The following SLC26A8 variants were observed in gnomAD, a reference collection of about 807,000 sequenced individuals.
SLC26A8 encodes the protein testis anion transporter 1.
In SLC26A8, 70 loss-of-function variants were observed where a neutral mutation model predicts 105.0. The observed-to-expected ratio is 0.67, with a 90% CI of 0.55 to 0.81. The LOEUF (loss-of-function observed/expected upper bound fraction) is 0.81, where lower values mean the gene tolerates loss of function less well. SLC26A8 is among the 40% of genes least tolerant of loss of function. The pLI, the probability that SLC26A8 is intolerant of heterozygous loss-of-function variation, is 0.00. For missense variants in SLC26A8, 998 were observed against 1,181.8 expected (o/e 0.84, Z 2.28); for synonymous variants, 415 against 438.3 (o/e 0.95, Z 0.66).
rs1771575347 is a variant in SLC26A8 at position 35,944,045 on chromosome 6, A to T, written c.2768T>A (p.Phe923Tyr). The T allele has an allele frequency of 6.2e-7, 1 of 1,614,080 alleles. No individual in the cohort carries two copies. The highest frequency in any genetic ancestry group is 8.5e-7 in the Non-Finnish European group (1 of 1,179,998). Residue 923 changes from phenylalanine to tyrosine, a missense_variant, in exon 20 of 20, where the codon TTT becomes TAT. Phe to Tyr is a conservative substitution (Grantham distance 22). Transcript: ENST00000490799. ...NPKSRPRAHT[F>Y]PQQRYWPMYH... is the part of the protein sequence containing the mutation. Reference sequence around the variant, plus strand: ...CATAGGCCAGTAACGCTGCTGAGGAAAAGTGTGAGCTCTTGGCCTAGATTT... The same window carrying T: ...CATAGGCCAGTAACGCTGCTGAGGATAAGTGTGAGCTCTTGGCCTAGATTT...
At chr6:35,978,468 A>G (rs1256513644) in intron 8 of SLC26A8, among the ~76,000 whole-genome samples, 1 of 152,154 alleles carries the variant, frequency 6.6e-6, no homozygotes, top group Admixed American at 6.5e-5. Flanking sequence ...TCAGAAAAAA[A>G]AATCTAAGTG....
chr6:35,958,734 G>T (rs549190090), intron 16 of SLC26A8, among the ~76,000 whole-genome samples: 2 of 152,224 alleles, frequency 1.3e-5, no homozygotes, highest in Admixed American at 6.5e-5. Flanking sequence ...TGTGTGTTGC[G>T]GGGGAGGATG....
intron 5 of SLC26A8, among the ~76,000 whole-genome samples, chr6:35,996,905 T>G (rs1354876502): frequency 6.6e-6 from 1 of 151,878 alleles, no homozygotes; most frequent in African/African-American, 2.4e-5. Flanking sequence ...TGTGGTGGCA[T>G]GCACCTGTAA....
At chr6:36,001,464 C>T (rs1581685537) in intron 3 of SLC26A8, among the ~76,000 whole-genome samples, 1 of 152,172 alleles carries the variant, frequency 6.6e-6, no homozygotes, top group Admixed American at 6.5e-5. Context: ...CAATTTCCTC[C>T]CCATTAAGTG....
At chr6:35,970,583 T>C (rs1008266219) in intron 10 of SLC26A8, among the ~76,000 whole-genome samples, 2 of 152,234 alleles carry the variant, frequency 1.3e-5, no homozygotes, top group African/African-American at 4.8e-5. Context: ...CTAGCTTCAG[T>C]TGGCCTTTGC....
At chr6:36,014,644 G>A (rs1179888083) in intron 2 of SLC26A8, among the ~76,000 whole-genome samples, 2 of 152,158 alleles carry the variant, frequency 1.3e-5, no homozygotes, top group African/African-American at 2.4e-5. Flanking sequence ...CACTTTGGGA[G>A]GCCAAGGCGG....
In SLC26A8 at chr6:36,012,268, G is replaced by T. The variant is rs751428541; in HGVS notation, c.293C>A (p.Ala98Asp). The change falls in exon 3 of 20, where the codon GCT becomes GAT. Residue 98 changes from alanine to aspartate, a missense_variant. By Grantham distance (126) the Ala-to-Asp change is moderately radical (BLOSUM62 -2). Coordinates refer to ENST00000490799, the MANE Select transcript of SLC26A8 (RefSeq NM_052961.4). ...LKDWLLGDLL[A>D]GISVGLVQVP... The stretch of plus-strand genomic sequence containing the variant: ...TTGCACAAGGCCAACACTTATACCA[G>T]CAAGTAAGTCTCCCAGAAGCCAATC... The T allele has an allele frequency of 6.2e-7, 1 of 1,612,042 alleles. No homozygotes were observed. Among genetic ancestry groups the T allele is most frequent in the Non-Finnish European group, 8.5e-7 (1 of 1,179,416 alleles).
intron 15 of SLC26A8, 55 bp downstream of exon 15, chr6:35,959,659 G>A: frequency 6.2e-7 from 1 of 1,606,872 alleles, no homozygotes; most frequent in Non-Finnish European, 8.5e-7. Flanking sequence ...GTGGGAGAGA[G>A]ATGCCAGTGG....
In SLC26A8 at chr6:36,019,584, T is replaced by C. The variant is rs759391001; in HGVS notation, c.124A>G (p.Lys42Glu). Residue 42 changes from lysine (K) to glutamate (E), a missense_variant, in exon 2 of 20, where the codon AAG becomes GAG. Lys to Glu is a moderately conservative substitution (Grantham distance 56, BLOSUM62 1). Transcript: ENST00000490799. ...TTCATGTTCCCAGAAGAGGAGGCCTTCCTTTTGTGTTCCTGTTGAAAGGTC... is the reference window on the plus strand; with the variant it reads ...TTCATGTTCCCAGAAGAGGAGGCCTCCCTTTTGTGTTCCTGTTGAAAGGTC... ...EETFQQEHKR[K>E]ASSSGNMNIN... 2.9e-5 allele frequency: 47 copies of C among 1,614,006 alleles called. No individual in the cohort carries two copies. Among genetic ancestry groups the C allele is most frequent in the Non-Finnish European group, 3.7e-5 (44 of 1,180,016 alleles).
chr6:35,955,090 G>C (rs750038997), intron 17 of SLC26A8, 62 bp downstream of exon 17: 1 of 1,600,966 alleles, frequency 6.2e-7, no homozygotes, highest in Non-Finnish European at 8.5e-7. Flanking sequence ...ATCAGGATCA[G>C]GGTGGGGTTG....
chr6:35,961,045 G>A lies in SLC26A8; in HGVS notation c.1516C>T (p.Leu506=), dbSNP rs539060088. The A allele has an allele frequency of 1.3e-4, 216 of 1,614,046 alleles. 1 individual carries two copies. The South Asian group carries it at 2.2e-3, about 17-fold the overall frequency. ...AAAGCAGAAACTACTGAGATAATTA[G>A]TCCAATGTCCAGTCCCAGGAAAATT... The part of the protein sequence containing the change: ...SSIFLGLDIG[L]IISVVSAFFI... Residue 506 remains leucine, a synonymous_variant, in exon 13 of 20, where the codon CTA becomes TTA. Coordinates refer to ENST00000490799, the MANE Select transcript of SLC26A8 (RefSeq NM_052961.4).
intron 1 of SLC26A8, among the ~76,000 whole-genome samples, chr6:36,020,128 T>G (rs774190928): frequency 6.6e-6 from 1 of 152,234 alleles, no homozygotes; most frequent in Non-Finnish European, 1.5e-5. Flanking sequence ...ATACAAGTCT[T>G]GTAACTCCTC....
intron 7 of SLC26A8, among the ~76,000 whole-genome samples, chr6:35,984,723 T>C (rs1228094362): frequency 6.6e-6 from 1 of 152,110 alleles, no homozygotes; most frequent in African/African-American, 2.4e-5. Context: ...TCCTTATAAC[T>C]CTGGTTCATG....
rs182339684 is a variant in SLC26A8 at position 35,957,242 on chromosome 6, A to G, written c.1864-1722T>C. On this transcript the variant is annotated intron_variant, in intron 16 of 19. Transcript: ENST00000490799. ...CGTCTCAAAATAAAAAGGATAAGTA[A>G]GAATATATATGGATGAGAACTATAA... Among the ~76,000 whole-genome samples the G allele has an allele frequency of 7.9e-5, 12 of 152,202 alleles. No homozygotes were observed. The East Asian group carries it at 1.7e-3, about 22-fold the overall frequency.
intron 1 of SLC26A8, among the ~76,000 whole-genome samples, chr6:36,023,931 A>G (rs1055091531): frequency 1.6e-4 from 25 of 152,274 alleles, no homozygotes; most frequent in Admixed American, 3.9e-4. Flanking sequence ...ACACATAAAC[A>G]TAGGACAACC....
intron 11 of SLC26A8, among the ~76,000 whole-genome samples, chr6:35,968,429 C>A (rs1298467018): frequency 6.6e-6 from 1 of 151,126 alleles, no homozygotes. Context: ...ACAGGCGGTG[C>A]CCTGTATCCC....
chr6:36,023,584 T>C (rs145167816), intron 1 of SLC26A8, among the ~76,000 whole-genome samples: 9 of 148,546 alleles, frequency 6.1e-5, no homozygotes, highest in Admixed American at 6.0e-4. Context: ...GAATAAAAAG[T>C]TTAAATACAA....
At chr6:35,966,745 T>G (rs533377300) in intron 11 of SLC26A8, among the ~76,000 whole-genome samples, 1 of 152,170 alleles carries the variant, frequency 6.6e-6, no homozygotes, top group Non-Finnish European at 1.5e-5. Flanking sequence ...AGAACCTTAT[T>G]GTTACAGTAA....
At chr6:36,018,919 G>A (rs1021108846) in intron 2 of SLC26A8, among the ~76,000 whole-genome samples, 1 of 151,932 alleles carries the variant, frequency 6.6e-6, no homozygotes, top group Non-Finnish European at 1.5e-5. Context: ...AGTCCACCAT[G>A]GCTATCTTAT....
Sources: allele counts gnomAD v4.1 joint callset (sites outside exome capture counted in the v4.1 genomes callset), GRCh38; gene constraint gnomAD v4.1.1; transcripts MANE v1.5; gene names NCBI Gene and HGNC (gene_info 2026-07-23, HGNC 2026-07-21).